The following DYDC2 variants were observed in gnomAD, a reference collection of about 807,000 sequenced individuals.
DYDC2 encodes DPY30 domain containing 2.
In DYDC2, 19 loss-of-function variants were observed where a neutral mutation model predicts 18.7. The ratio of observed to expected loss-of-function variants is 1.02; its 90% CI spans 0.71 to 1.49. The LOEUF is 1.49. Ranked by LOEUF, DYDC2 falls within the 40% of genes most tolerant of loss-of-function variation. The pLI, the probability that DYDC2 is intolerant of heterozygous loss-of-function variation, is 0.00. For synonymous variants in DYDC2, 63 were observed against 67.6 expected, an observed-to-expected ratio of 0.93 and a Z score of 0.34; for missense variants, 179 against 205.1, an observed-to-expected ratio of 0.87 and a Z score of 0.78.
chr10:80,351,989 A>G (rs377457018), upstream of DYDC2: 4 of 1,613,878 alleles, frequency 2.5e-6, no homozygotes, highest in African/African-American at 1.3e-5. Context: ...CAGCTTGGCC[A>G]TTTCCTTTTG....
chr10:80,354,130 AT>A, upstream of DYDC2, among the ~76,000 whole-genome samples: 3 of 145,044 alleles, frequency 2.1e-5, no homozygotes, highest in Middle Eastern at 7.1e-3. Context: ...ATAAAAAAAA[AT>A]ATATATATAT....
At position 80,363,336 on chromosome 10, in the gene DYDC2, G is replaced by GTT. The variant is rs3038629; in HGVS notation, c.270+288_270+289dup. ...GTGTTACTGGTTTTAAAAAAAATCT[G>GTT]TTTTTTTTTTTTTTTTTTTTTTTTT... On this transcript the variant is annotated intron_variant, in intron 4 of 4. Transcript: ENST00000256039. 3.2e-3 allele frequency among the ~76,000 whole-genome samples: 262 copies of GTT among 81,634 alleles called. 22 individuals carry two copies. Among genetic ancestry groups the GTT allele is most frequent in the African/African-American group, 0.012 (217 of 18,832 alleles). 53.6% of individuals were successfully genotyped at this position (81,634 alleles called of 152,430 possible).
In DYDC2 at chr10:80,357,962, T is replaced by G. The variant is rs1000682437; in HGVS notation, c.-93T>G. 275 of 985,086 alleles carry G rather than the reference T, an allele frequency of 2.8e-4. No homozygotes were observed. Among genetic ancestry groups the G allele is most frequent in the Non-Finnish European group, 3.3e-4 (270 of 829,730 alleles). The allele number at this position is 985,086 out of a possible 1,614,324, so 61.0% of individuals were successfully genotyped here. A position where few individuals can be genotyped will look rare whatever the true frequency, so the allele number is the denominator to read the frequency against. ...CAACCCCTATTCTTATCACCTTGCCTACTGAGTGCAAGTCCAGGAACTGTG... is the reference window on the plus strand; with the variant it reads ...CAACCCCTATTCTTATCACCTTGCCGACTGAGTGCAAGTCCAGGAACTGTG... On this transcript the variant is annotated 5_prime_UTR_variant, in exon 2 of 5. Coordinates refer to ENST00000256039, the MANE Select transcript of DYDC2 (RefSeq NM_032372.6).
intron 1 of DYDC2, among the ~76,000 whole-genome samples, chr10:80,349,893 A>G (rs1842884911): frequency 6.6e-6 from 1 of 152,132 alleles, no homozygotes; most frequent in African/African-American, 2.4e-5. Flanking sequence ...CCCTGTTCAC[A>G]AAAAACTAGG....
chr10:80,356,555 T>C (rs946340398), upstream of DYDC2: 3 of 985,366 alleles, frequency 3.0e-6, no homozygotes, highest in African/African-American at 1.7e-5. Context: ...AGCTGGCCGC[T>C]TTCGGGAGCC....
intron 1 of DYDC2, among the ~76,000 whole-genome samples, 155 bp downstream of exon 1, chr10:80,356,980 C>G (rs1013479697): frequency 8.2e-6 from 1 of 122,122 alleles, no homozygotes; most frequent in African/African-American, 3.1e-5. Flanking sequence ...AGGAGCCCGC[C>G]GCAGAGTAGA....
chr10:80,351,092 T>C (rs1429225683), intron 1 of DYDC2, among the ~76,000 whole-genome samples: 1 of 152,116 alleles, frequency 6.6e-6, no homozygotes, highest in Non-Finnish European at 1.5e-5. Flanking sequence ...TCTCTTCCAT[T>C]CTCCAAAGCT....
rs1468432668 is a variant in DYDC2, at chr10:80,367,384, G to C, written c.*433G>C. The C allele has an allele frequency of 6.4e-6, 1 of 155,270 alleles. No homozygotes were observed. Among genetic ancestry groups the C allele is most frequent in the Non-Finnish European group, 1.4e-5 (1 of 70,232 alleles). The allele number at this position is 155,270 out of a possible 1,614,324, so 9.6% of individuals were successfully genotyped here. A position where few individuals can be genotyped will look rare whatever the true frequency, so the allele number is the denominator to read the frequency against. Reference sequence around the variant, plus strand: ...CAAGCTCTGGAAGCCCACACTATTTGTTGGTGATCAAACAAAGAAACAGGT... The same window carrying C: ...CAAGCTCTGGAAGCCCACACTATTTCTTGGTGATCAAACAAAGAAACAGGT... On this transcript the variant is annotated 3_prime_UTR_variant, in exon 5 of 5. Transcript: ENST00000256039.
At chr10:80,366,431 T>G (rs1843840108) in intron 4 of DYDC2, among the ~76,000 whole-genome samples, 1 of 152,248 alleles carries the variant, frequency 6.6e-6, no homozygotes. Context: ...TTCTGGACAT[T>G]GTAGAGGACG....
intron 1 of DYDC2, among the ~76,000 whole-genome samples, chr10:80,347,690 C>T (rs1175428060): frequency 6.6e-6 from 1 of 152,186 alleles, no homozygotes; most frequent in African/African-American, 2.4e-5. Flanking sequence ...GTTGTCCCAA[C>T]ACCGTTCATT....
upstream of DYDC2, chr10:80,352,096 A>G (rs1349776847): frequency 1.7e-6 from 2 of 1,188,482 alleles, no homozygotes; most frequent in Non-Finnish European, 2.4e-6. Flanking sequence ...ACAATTAGGG[A>G]AAGTGTTAAG....
intron 1 of DYDC2, among the ~76,000 whole-genome samples, chr10:80,349,383 G>T (rs1842855299): frequency 6.6e-6 from 1 of 152,040 alleles, no homozygotes; most frequent in African/African-American, 2.4e-5. Flanking sequence ...TTTCTCTCTT[G>T]TTATTCCTAC....
intron 1 of DYDC2, among the ~76,000 whole-genome samples, chr10:80,347,761 G>A (rs1314655616): frequency 2.5e-4 from 38 of 152,106 alleles, no homozygotes; most frequent in Admixed American, 2.4e-3. Context: ...TTAGTTGACC[G>A]TATATACTTG....
At chr10:80,351,852 G>A (rs367915676), upstream of DYDC2, 2 of 1,551,522 alleles carry the variant, frequency 1.3e-6, no homozygotes, top group African/African-American at 1.4e-5. Context: ...CCATGCTGAG[G>A]TTGGCATCGT....
intron 4 of DYDC2, among the ~76,000 whole-genome samples, chr10:80,363,530 A>G (rs1312133314): frequency 8.4e-6 from 1 of 119,214 alleles, no homozygotes; most frequent in Non-Finnish European, 1.7e-5. Context: ...TTTTTTTTTT[A>G]GTAGAGACAG....
chr10:80,356,646 C>T, upstream of DYDC2: 1 of 984,920 alleles, frequency 1.0e-6, no homozygotes, highest in Non-Finnish European at 1.2e-6. Context: ...CGCCTCTGCC[C>T]GCCGGACCCA....
At position 80,362,592 on chromosome 10, in the gene DYDC2, T is replaced by G; in HGVS notation, c.147+2T>G. 1 of 1,606,784 alleles carries G rather than the reference T, an allele frequency of 6.2e-7. No homozygotes were observed. Among genetic ancestry groups the G allele is most frequent in the South Asian group, 1.1e-5 (1 of 90,570 alleles). On this transcript the variant is annotated splice_donor_variant, in intron 3 of 4. Coordinates refer to ENST00000256039, the MANE Select transcript of DYDC2 (RefSeq NM_032372.6). LOFTEE classifies it high-confidence loss of function. ...AAAACAGCAAAAGCAAAAGAAGAGGTGTGTATGTGCACTGGGACTTAGGGA... is the reference window on the plus strand; with the variant it reads ...AAAACAGCAAAAGCAAAAGAAGAGGGGTGTATGTGCACTGGGACTTAGGGA...
chr10:80,356,965 G>C, intron 1 of DYDC2, 140 bp downstream of exon 1: 4 of 589,926 alleles, frequency 6.8e-6, no homozygotes, highest in Non-Finnish European at 8.5e-6. Context: ...GGGGCGTGCA[G>C]GAGTAGGAGC....
At position 80,367,094 on chromosome 10, in the gene DYDC2, C is replaced by A; in HGVS notation, c.*143C>A. On this transcript the variant is annotated 3_prime_UTR_variant, in exon 5 of 5. Transcript: ENST00000256039. ...ACTCCTTTTCTGAAAAACCCTTAATCATGTGAACATTTGAACTAGTTATAG... is the reference window on the plus strand; with the variant it reads ...ACTCCTTTTCTGAAAAACCCTTAATAATGTGAACATTTGAACTAGTTATAG... 1 of 979,136 alleles carries A rather than the reference C, an allele frequency of 1.0e-6. No homozygotes were observed. Among genetic ancestry groups the A allele is most frequent in the Non-Finnish European group, 1.5e-6 (1 of 669,842 alleles). 60.7% of individuals were successfully genotyped at this position (979,136 alleles called of 1,614,324 possible).
Sources: allele counts gnomAD v4.1 joint callset (sites outside exome capture counted in the v4.1 genomes callset), GRCh38; gene constraint gnomAD v4.1.1; transcripts MANE v1.5; gene names NCBI Gene and HGNC (gene_info 2026-07-23, HGNC 2026-07-21).